The following ERMP1 variants were observed in gnomAD, a reference collection of about 807,000 sequenced individuals.
The protein encoded by ERMP1 is endoplasmic reticulum metallopeptidase 1.
In ERMP1, 86 loss-of-function variants were observed where a neutral mutation model predicts 92.0. That is an observed-to-expected ratio of 0.93 (90% CI 0.79 to 1.12). The LOEUF is 1.12. Among genes scored for constraint, ERMP1 ranks in the 50% most tolerant of loss-of-function variants. ERMP1 has a pLI of 0.00. For missense variants in ERMP1, 1,342 were observed against 1,116.3 expected (o/e 1.20, Z -2.88); for synonymous variants, 530 against 412.8 (o/e 1.28, Z -3.44).
chr9:5,811,032 T>C lies in ERMP1; in HGVS notation c.1327+79A>G, dbSNP rs1829070073. ...TAAGATTTTTAGCTTTCTGGGAAGA[T>C]ATAAACAAACTGACTGAAAAACTTC... On this transcript the variant is annotated intron_variant, in intron 7 of 14. Transcript: ENST00000339450. 4 of 946,390 alleles carry C rather than the reference T, an allele frequency of 4.2e-6. No homozygotes were observed. In the South Asian group the frequency reaches 4.8e-5, roughly 11 times the overall value. 58.6% of individuals were successfully genotyped at this position (946,390 alleles called of 1,614,324 possible).
At chr9:5,816,877 C>G (rs890550958) in intron 4 of ERMP1, among the ~76,000 whole-genome samples, 2 of 150,262 alleles carry the variant, frequency 1.3e-5, no homozygotes, top group South Asian at 4.2e-4. Context: ...GACCTTAGAT[C>G]ATCTAACTAC....
rs375242073 is a variant in ERMP1 at position 5,841,919 on chromosome 9, A to G, written n.3200-8607T>C. 1.5e-4 allele frequency among the ~76,000 whole-genome samples: 23 copies of G among 152,300 alleles called. 1 individual carries two copies. The South Asian group carries it at 4.3e-3, about 29-fold the overall frequency. ...CACTTGACTTCAGGAGTGAAACCACATATCTTCGCAGTGAGTGTTACAGCT... is the reference window on the plus strand; with the variant it reads ...CACTTGACTTCAGGAGTGAAACCACGTATCTTCGCAGTGAGTGTTACAGCT... On this transcript the variant is annotated intron_variant and non_coding_transcript_variant, in intron 6 of 6. Transcript: ENST00000690753.
intron 5 of ERMP1, among the ~76,000 whole-genome samples, chr9:5,863,361 A>G (rs897989707): frequency 1.3e-5 from 2 of 152,204 alleles, no homozygotes; most frequent in African/African-American, 4.8e-5. Context: ...CCTTTCCATC[A>G]CCACAACATT....
chr9:5,842,213 G>A (rs917910704), intron 6 of ERMP1, among the ~76,000 whole-genome samples: 1 of 152,142 alleles, frequency 6.6e-6, no homozygotes, highest in Non-Finnish European at 1.5e-5. Flanking sequence ...CCCACATCCT[G>A]CTGATTGGTC....
intron 6 of ERMP1, among the ~76,000 whole-genome samples, chr9:5,842,180 T>G (rs1266112312): frequency 6.6e-5 from 10 of 152,162 alleles, no homozygotes; most frequent in Admixed American, 6.5e-4. Context: ...GGTGGCCAGC[T>G]TTTATTCCCT....
chr9:5,834,312 G>GAGGAAGTTCCT (rs1830055007), upstream of ERMP1, among the ~76,000 whole-genome samples: 1 of 152,126 alleles, frequency 6.6e-6, no homozygotes, highest in Admixed American at 6.5e-5. Context: ...CCTCAAGCAA[G>GAGGAAGTTCCT]AATCTCCTAA....
chr9:5,809,010 C>T (rs950422413), intron 8 of ERMP1, among the ~76,000 whole-genome samples: 3 of 152,232 alleles, frequency 2.0e-5, no homozygotes, highest in Non-Finnish European at 4.4e-5. Flanking sequence ...TGAGCCACAG[C>T]ACCCAGCCCA....
At chr9:5,844,262 T>C (rs898061591) in intron 6 of ERMP1, among the ~76,000 whole-genome samples, 1 of 152,044 alleles carries the variant, frequency 6.6e-6, no homozygotes, top group Non-Finnish European at 1.5e-5. Flanking sequence ...GAAGATTTTG[T>C]GTTTTTTTGT....
At chr9:5,841,295 A>C (rs1306145635) in intron 6 of ERMP1, among the ~76,000 whole-genome samples, 1 of 152,222 alleles carries the variant, frequency 6.6e-6, no homozygotes, top group African/African-American at 2.4e-5. Flanking sequence ...ACTGATACGT[A>C]CTATAATGGG....
chr9:5,786,755 G>A lies in ERMP1; in HGVS notation c.*389C>T, dbSNP rs1827955158. 4 of 167,746 alleles carry A rather than the reference G, an allele frequency of 2.4e-5. No individual in the cohort carries two copies. The Middle Eastern group carries it at 9.1e-3, about 381-fold the overall frequency. 10.4% of individuals were successfully genotyped at this position (167,746 alleles called of 1,614,324 possible). A position where few individuals can be genotyped will look rare whatever the true frequency, so the allele number is the denominator to read the frequency against. ...CCCACCATCCACTAATACAACAAAT[G>A]GTTTTGGGGCTTAAATTGGAAACAA... On this transcript the variant is annotated 3_prime_UTR_variant, in exon 15 of 15. Coordinates refer to ENST00000339450, the MANE Select transcript of ERMP1 (RefSeq NM_024896.3).
upstream of ERMP1, among the ~76,000 whole-genome samples, chr9:5,836,310 T>C (rs1201164038): frequency 6.6e-6 from 1 of 152,196 alleles, no homozygotes; most frequent in Non-Finnish European, 1.5e-5. Context: ...TACCAGTGTA[T>C]CTGGTGAAGT....
In ERMP1 at chr9:5,830,770, A is replaced by T; in HGVS notation, c.597T>A (p.Ala199=). Residue 199 remains alanine (A), a synonymous_variant, in exon 2 of 15, where the codon GCT becomes GCA. Transcript: ENST00000339450. ...AGTCAAAATGACAATTAGCCAAGAC[A>T]GCATGCTGGGCTCCATCTCTGGGTT... The part of the protein sequence containing the change: ...KLEPRDGAQH[A]VLANCHFDSV... The T allele has an allele frequency of 6.2e-7, 1 of 1,614,136 alleles. No homozygotes were observed.
At chr9:5,805,257 C>G in intron 9 of ERMP1, 40 bp from the exon 10 acceptor site, 4 of 1,478,192 alleles carry the variant, frequency 2.7e-6, no homozygotes, top group Non-Finnish European at 3.7e-6. Flanking sequence ...CTATGAAATC[C>G]TCCAGTGAGA....
At chr9:5,823,693 A>T (rs953003444) in intron 4 of ERMP1, among the ~76,000 whole-genome samples, 2 of 151,092 alleles carry the variant, frequency 1.3e-5, no homozygotes, top group Admixed American at 1.3e-4. Flanking sequence ...AACACTTGGC[A>T]TATAATAAGC....
At chr9:5,830,700 C>G in intron 2 of ERMP1, 27 bp downstream of exon 2, 1 of 1,569,794 alleles carries the variant, frequency 6.4e-7, no homozygotes, top group Admixed American at 1.8e-5. Flanking sequence ...GTGACAAGTT[C>G]CAAATGACTA....
At chr9:5,854,458 TAGC>T (rs1451220529) in intron 6 of ERMP1, among the ~76,000 whole-genome samples, 2 of 152,144 alleles carry the variant, frequency 1.3e-5, no homozygotes, top group African/African-American at 4.8e-5. Flanking sequence ...CATCAAGAGG[TAGC>T]AGAATTTTCA....
intron 5 of ERMP1, among the ~76,000 whole-genome samples, chr9:5,864,689 T>C (rs549408868): frequency 1.3e-5 from 2 of 152,290 alleles, no homozygotes; most frequent in African/African-American, 4.8e-5. Context: ...TACCAGGATG[T>C]AGGCAGGCCT....
At chr9:5,801,978 C>T (rs1828690485) in intron 10 of ERMP1, among the ~76,000 whole-genome samples, 3 of 152,136 alleles carry the variant, frequency 2.0e-5, no homozygotes, top group Admixed American at 6.5e-5. Flanking sequence ...GTAATGAAAT[C>T]GCTGAACTAA....
intron 4 of ERMP1, among the ~76,000 whole-genome samples, chr9:5,814,287 A>G (rs900390951): frequency 6.6e-6 from 1 of 152,238 alleles, no homozygotes; most frequent in Non-Finnish European, 1.5e-5. Flanking sequence ...CGAGCAAGAA[A>G]TAAGCCTTTG....
Sources: gnomAD v4.1 joint callset for allele counts (sites outside exome capture counted in the v4.1 genomes callset) on GRCh38, gnomAD v4.1.1 for gene constraint, MANE v1.5 for transcripts, NCBI Gene and HGNC (gene_info 2026-07-23, HGNC 2026-07-21) for gene names.